FBXO34: variants seen among roughly 807,000 people sequenced by gnomAD.
FBXO34 encodes F-box protein 34.
FBXO34 carries 12 observed loss-of-function variants against 24.5 expected under a neutral mutation model. That is an observed-to-expected ratio of 0.49 (90% CI 0.31 to 0.79). The LOEUF is 0.79. Ranked by LOEUF, FBXO34 falls within the 30% of genes least tolerant of loss-of-function variation. The pLI is 0.04. For missense variants in FBXO34, 823 were observed against 857.7 expected (o/e 0.96, Z 0.51); for synonymous variants, 320 against 311.9 (o/e 1.03, Z -0.27).
At chr14:55,276,777 C>T (rs915199325) in intron 1 of FBXO34, among the ~76,000 whole-genome samples, 6 of 152,176 alleles carry the variant, frequency 3.9e-5, no homozygotes, top group Admixed American at 3.9e-4. Flanking sequence ...GGGCTTTGGG[C>T]ATTATCAATC....
intron 1 of FBXO34, among the ~76,000 whole-genome samples, chr14:55,320,614 C>T (rs1162054692): frequency 6.6e-6 from 1 of 151,994 alleles, no homozygotes; most frequent in African/African-American, 2.4e-5. Context: ...AAAAATTAGC[C>T]GGGTGTGGTA....
At position 55,352,754 on chromosome 14, in the gene FBXO34, A is replaced by G. The variant is rs1391223003; in HGVS notation, c.*228A>G. The stretch of plus-strand genomic sequence containing the variant: ...TGTTTGAACCCGGGTGGTATCCCAC[A>G]GTTGGATTCAGTTGGCTGTGAATAA... On this transcript the variant is annotated 3_prime_UTR_variant, in exon 2 of 2. Transcript: ENST00000313833. 2.1e-6 allele frequency: 1 copy of G among 470,054 alleles called. No homozygotes were observed. Among genetic ancestry groups the G allele is most frequent in the East Asian group, 3.6e-5 (1 of 28,158 alleles). The allele number at this position is 470,054 out of a possible 1,614,324, so 29.1% of individuals were successfully genotyped here.
chr14:55,287,097 G>C (rs1186254840), intron 1 of FBXO34, among the ~76,000 whole-genome samples: 2 of 151,772 alleles, frequency 1.3e-5, no homozygotes, highest in African/African-American at 4.8e-5. Flanking sequence ...GTAGAGATGG[G>C]GTTTCACCTT....
chr14:55,305,228 T>G (rs1452738951), intron 1 of FBXO34, among the ~76,000 whole-genome samples: 1 of 152,038 alleles, frequency 6.6e-6, no homozygotes, highest in East Asian at 1.9e-4. Flanking sequence ...CTGGCCAACA[T>G]GGGTGAAACC....
At chr14:55,398,274 G>C in the FBXO34 span, among the ~76,000 whole-genome samples, 4 of 151,912 alleles carry the variant, frequency 2.6e-5, no homozygotes, top group Non-Finnish European at 4.4e-5. Flanking sequence ...CTATTTGCCA[G>C]TTTTCTATCT....
downstream of FBXO34, among the ~76,000 whole-genome samples, chr14:55,371,577 C>T (rs180937979): frequency 3.2e-4 from 48 of 151,916 alleles, no homozygotes; most frequent in Admixed American, 2.8e-3. Context: ...GAGGCTGCGG[C>T]GGGCAGATCA....
the FBXO34 span, among the ~76,000 whole-genome samples, chr14:55,398,753 T>C: frequency 6.6e-6 from 1 of 152,110 alleles, no homozygotes; most frequent in Non-Finnish European, 1.5e-5. Flanking sequence ...CAGTGTTCTA[T>C]AAATGTCTTC....
chr14:55,381,410 C>T, the FBXO34 span, among the ~76,000 whole-genome samples: 3 of 152,124 alleles, frequency 2.0e-5, no homozygotes, highest in East Asian at 1.9e-4. Context: ...TGGGTCTAAA[C>T]GGGTTAAATA....
intron 1 of FBXO34, among the ~76,000 whole-genome samples, chr14:55,286,874 T>G (rs1031754116): frequency 1.1e-4 from 17 of 151,960 alleles, no homozygotes; most frequent in Non-Finnish European, 1.5e-4. Flanking sequence ...GGGACCCACA[T>G]TGAAACACGG....
the FBXO34 span, chr14:55,438,709 C>T: frequency 6.6e-6 from 1 of 152,180 alleles, no homozygotes; most frequent in African/African-American, 2.4e-5. Flanking sequence ...TGTAGTGACT[C>T]TCCTCAGAAC....
chr14:55,363,234 C>T (rs1884617685), downstream of FBXO34, among the ~76,000 whole-genome samples: 1 of 148,928 alleles, frequency 6.7e-6, no homozygotes, highest in Admixed American at 6.7e-5. Flanking sequence ...GGGGTTTCAT[C>T]ATGTTGGCCA....
intron 1 of FBXO34, among the ~76,000 whole-genome samples, chr14:55,282,059 C>G (rs896860648): frequency 1.6e-5 from 2 of 128,438 alleles, no homozygotes; most frequent in African/African-American, 6.3e-5. Context: ...TGCAGTGGCA[C>G]GATCTCGGCT....
At chr14:55,418,371 C>T in the FBXO34 span, among the ~76,000 whole-genome samples, 4 of 152,214 alleles carry the variant, frequency 2.6e-5, no homozygotes, top group African/African-American at 9.6e-5. Context: ...TCCAATACTA[C>T]GTGGATTTTC....
At chr14:55,348,139 A>G (rs908817816) in intron 1 of FBXO34, among the ~76,000 whole-genome samples, 2 of 152,222 alleles carry the variant, frequency 1.3e-5, no homozygotes, top group Non-Finnish European at 2.9e-5. Flanking sequence ...TGATTAGGCT[A>G]TAAATTGCCA....
At chr14:55,341,614 T>G (rs1883993959) in intron 1 of FBXO34, among the ~76,000 whole-genome samples, 1 of 152,242 alleles carries the variant, frequency 6.6e-6, no homozygotes, top group African/African-American at 2.4e-5. Flanking sequence ...AATTAAATTT[T>G]CCTGGTAATG....
chr14:55,377,277 G>A, the FBXO34 span, among the ~76,000 whole-genome samples: 5 of 152,110 alleles, frequency 3.3e-5, no homozygotes, highest in East Asian at 1.9e-4. Context: ...AACCCAGGAG[G>A]TGGAGGTTGC....
At chr14:55,370,599 A>G (rs1036230788), downstream of FBXO34, among the ~76,000 whole-genome samples, 1 of 151,782 alleles carries the variant, frequency 6.6e-6, no homozygotes, top group African/African-American at 2.4e-5. Context: ...CTGGCACCTC[A>G]GCACAGGGAA....
chr14:55,386,089 T>G, the FBXO34 span: 1 of 1,607,316 alleles, frequency 6.2e-7, no homozygotes, highest in Non-Finnish European at 8.5e-7. Context: ...TGAGAAGGCC[T>G]TCAGAATCTA....
intron 1 of FBXO34, among the ~76,000 whole-genome samples, chr14:55,278,588 C>T (rs1881422754): frequency 6.6e-6 from 1 of 152,154 alleles, no homozygotes; most frequent in African/African-American, 2.4e-5. Flanking sequence ...CCTACAACCT[C>T]ATGCTATCAA....
Sources: gnomAD v4.1 joint callset for allele counts (sites outside exome capture counted in the v4.1 genomes callset) on GRCh38, gnomAD v4.1.1 for gene constraint, MANE v1.5 for transcripts, NCBI Gene and HGNC (gene_info 2026-07-23, HGNC 2026-07-21) for gene names.